TAF3: variants seen among roughly 807,000 people sequenced by gnomAD.
TAF3 encodes TATA-box binding protein associated factor 3.
In TAF3, 7 loss-of-function variants were observed where a neutral mutation model predicts 80.6. The observed-to-expected ratio is 0.09, with a 90% confidence interval of 0.05 to 0.16. The LOEUF is 0.16. Ranked by LOEUF, TAF3 falls within the 10% of genes least tolerant of loss-of-function variation. TAF3 has a pLI of 1.00. For synonymous variants in TAF3, 444 were observed against 446.1 expected (o/e 1.00, Z 0.06); for missense variants, 921 against 1,140.2 (o/e 0.81, Z 2.77).
At chr10:7,837,845 GT>G (rs1341983157) in intron 2 of TAF3, among the ~76,000 whole-genome samples, 1 of 152,094 alleles carries the variant, frequency 6.6e-6, no homozygotes, top group African/African-American at 2.4e-5. Context: ...AATAGCTGTA[GT>G]TATTCAAGAG....
chr10:7,999,269 A>G (rs1371433214), intron 4 of TAF3, among the ~76,000 whole-genome samples: 3 of 152,166 alleles, frequency 2.0e-5, no homozygotes, highest in African/African-American at 7.2e-5. Flanking sequence ...TAATCCAAAG[A>G]CAAGATACAA....
chr10:7,981,836 T>C (rs1464378323), intron 4 of TAF3, among the ~76,000 whole-genome samples: 2 of 152,194 alleles, frequency 1.3e-5, no homozygotes, highest in Non-Finnish European at 1.5e-5. Flanking sequence ...TTTTAATACT[T>C]GTAATGTCTA....
intron 4 of TAF3, among the ~76,000 whole-genome samples, chr10:7,981,507 C>T (rs367729117): frequency 6.6e-6 from 1 of 152,194 alleles, no homozygotes; most frequent in Non-Finnish European, 1.5e-5. Context: ...TTTCAGAGAA[C>T]AATATTATTA....
chr10:7,886,356 G>A lies in TAF3; in HGVS notation c.409+61796G>A, dbSNP rs117180094. 7.4e-4 allele frequency among the ~76,000 whole-genome samples: 112 copies of A among 152,280 alleles called. No homozygotes were observed. In the East Asian group the frequency reaches 0.021, roughly 28 times the overall value. ...TCCTTCTCCAAACCCCCTTCTGCAT[G>A]TTCTTCATTTTCTTTCTTTCTCTCA... is the stretch of plus-strand genomic sequence containing the variant. On this transcript the variant is annotated intron_variant, in intron 2 of 6. Coordinates refer to ENST00000344293, the MANE Select transcript of TAF3 (RefSeq NM_031923.4).
rs12263465 is a variant in TAF3, at chr10:8,009,195, G to A, written c.2433G>A (p.Ala811=). The A allele has an allele frequency of 6.2e-6, 9 of 1,456,826 alleles. No individual in the cohort carries two copies. Among genetic ancestry groups the A allele is most frequent in the Non-Finnish European group, 7.2e-6 (8 of 1,104,878 alleles). 90.2% of individuals were successfully genotyped at this position (1,456,826 alleles called of 1,614,324 possible). ...CCGGCCCCATGCTCGTCAGCCCTGCGCCCGTGCCGCTGCCGCTGCTCGCCC... is the reference window on the plus strand; with the variant it reads ...CCGGCCCCATGCTCGTCAGCCCTGCACCCGTGCCGCTGCCGCTGCTCGCCC... ...PAPGPMLVSP[A]PVPLPLLAQA... The change falls in exon 5 of 7, where the codon GCG becomes GCA. Residue 811 remains alanine, a synonymous_variant. Transcript: ENST00000344293. The surrounding 1 kb of genome is among the most constrained non-coding windows in gnomAD (Gnocchi z 4.1).
At position 7,921,768 on chromosome 10, in the gene TAF3, TTATTGTTAGTTGAA is replaced by T. The variant is rs557119104; in HGVS notation, c.410-42145_410-42132del. ...TGAGATTTCAGCCAAATGGCTGATA[TTATTGTTAGTTGAA>T]TATTGTAGAAGAAAATTTGGAAGAC... On this transcript the variant is annotated intron_variant, in intron 2 of 6. Transcript: ENST00000344293. Among the ~76,000 whole-genome samples, 565 of 152,282 alleles carry T rather than the reference TTATTGTTAGTTGAA, an allele frequency of 3.7e-3. 4 individuals are homozygous for T. Among genetic ancestry groups the T allele is most frequent in the South Asian group, 0.02 (96 of 4,826 alleles).
intron 2 of TAF3, among the ~76,000 whole-genome samples, chr10:7,875,192 C>G (rs983977669): frequency 6.6e-6 from 1 of 151,966 alleles, no homozygotes; most frequent in Non-Finnish European, 1.5e-5. Flanking sequence ...ATAATTGTTC[C>G]TCCTCGATAT....
chr10:7,899,047 C>T (rs1352576815), intron 2 of TAF3, among the ~76,000 whole-genome samples: 1 of 152,186 alleles, frequency 6.6e-6, no homozygotes, highest in Non-Finnish European at 1.5e-5. Flanking sequence ...TTCCCCCAAT[C>T]TACCTGGAAG....
Position 7,965,207 on chromosome 10 carries a change from A to T in TAF3, c.1697A>T (p.Lys566Met). 6.2e-7 allele frequency: 1 copy of T among 1,606,682 alleles called. No homozygotes were observed. Among genetic ancestry groups the T allele is most frequent in the Non-Finnish European group, 8.5e-7 (1 of 1,178,212 alleles). Residue 566 changes from lysine to methionine, a missense_variant, in exon 3 of 7, where the codon AAG becomes ATG. Transcript: ENST00000344293. ...KDKVKEKEKDKETGRETKYPW... is the reference protein window; with the variant it reads ...KDKVKEKEKDMETGRETKYPW... ...AAAGTGAAAGAGAAAGAGAAAGACA[A>T]GGAAACTGGCAGGGAAACAAAGTAT...
At chr10:7,957,508 A>G (rs957217990) in intron 2 of TAF3, among the ~76,000 whole-genome samples, 2 of 152,192 alleles carry the variant, frequency 1.3e-5, no homozygotes, top group African/African-American at 4.8e-5. Flanking sequence ...ACCTTTAGTA[A>G]TTAATTTTCA....
chr10:7,872,385 A>T, intron 2 of TAF3, among the ~76,000 whole-genome samples: 1 of 152,134 alleles, frequency 6.6e-6, no homozygotes, highest in Non-Finnish European at 1.5e-5. Context: ...TGGCGTTATT[A>T]TTTAAGTCTG....
chr10:8,011,525 C>G (rs928484403), intron 5 of TAF3, among the ~76,000 whole-genome samples: 2 of 152,220 alleles, frequency 1.3e-5, no homozygotes, highest in Non-Finnish European at 2.9e-5. Flanking sequence ...GTCCTTCCAC[C>G]TTGGCCTCCC....
chr10:7,940,074 C>A (rs1837963020), intron 2 of TAF3, among the ~76,000 whole-genome samples: 1 of 152,170 alleles, frequency 6.6e-6, no homozygotes, highest in Non-Finnish European at 1.5e-5. Context: ...GCTTGCCAGT[C>A]ACATACAAAG....
chr10:7,909,605 A>T (rs1837638149), intron 2 of TAF3, among the ~76,000 whole-genome samples: 1 of 152,250 alleles, frequency 6.6e-6, no homozygotes. Flanking sequence ...GTGATGAATT[A>T]AAGTTTAGAA....
intron 2 of TAF3, among the ~76,000 whole-genome samples, chr10:7,905,187 C>T (rs1837595708): frequency 6.6e-6 from 1 of 152,128 alleles, no homozygotes; most frequent in Non-Finnish European, 1.5e-5. Flanking sequence ...ATGAAATACA[C>T]CCTACGTTAG....
intron 2 of TAF3, among the ~76,000 whole-genome samples, chr10:7,867,659 G>A (rs1837226445): frequency 1.3e-5 from 2 of 152,204 alleles, no homozygotes; most frequent in Admixed American, 1.3e-4. Flanking sequence ...GCTACTGGCA[G>A]TTTTTGATAA....
intron 2 of TAF3, among the ~76,000 whole-genome samples, chr10:7,939,518 C>G (rs1356149645): frequency 6.6e-6 from 1 of 151,600 alleles, no homozygotes; most frequent in Non-Finnish European, 1.5e-5. Context: ...AGGTATCCCA[C>G]ATGAAAAGCA....
chr10:7,956,364 A>C (rs1158822907), intron 2 of TAF3, among the ~76,000 whole-genome samples: 1 of 152,038 alleles, frequency 6.6e-6, no homozygotes, highest in Non-Finnish European at 1.5e-5. Flanking sequence ...GCACGTGCCT[A>C]TAATCCCAGC....
chr10:7,834,641 A>G (rs1836833731), intron 2 of TAF3, among the ~76,000 whole-genome samples: 1 of 152,084 alleles, frequency 6.6e-6, no homozygotes, highest in South Asian at 2.1e-4. Flanking sequence ...CAAGGTTTTT[A>G]TTTTTTATGT....
Sources: allele counts gnomAD v4.1 joint callset (sites outside exome capture counted in the v4.1 genomes callset), GRCh38; gene constraint gnomAD v4.1.1; non-coding constraint Gnocchi (gnomAD v3.1); transcripts MANE v1.5; gene names NCBI Gene and HGNC (gene_info 2026-07-23, HGNC 2026-07-21).